Variants in SGK1 observed in about 807,000 individuals in gnomAD.
The protein encoded by SGK1 is serine/threonine-protein kinase Sgk1.
In SGK1, 26 loss-of-function variants were observed where a neutral mutation model predicts 64.2. That is an observed-to-expected ratio of 0.40 (90% confidence interval 0.30 to 0.56). The LOEUF (loss-of-function observed/expected upper bound fraction) is 0.56, where lower values mean the gene tolerates loss of function less well. Ranked by LOEUF, SGK1 falls within the 20% of genes least tolerant of loss-of-function variation. SGK1 has a pLI of 0.38. For missense variants in SGK1, 519 were observed against 645.6 expected (o/e 0.80, Z 2.12); for synonymous variants, 265 against 239.7 (o/e 1.11, Z -0.98).
rs1412999137 is a variant in SGK1 at position 134,253,224 on chromosome 6, C to G, written c.285+8709G>C. 2.0e-5 allele frequency among the ~76,000 whole-genome samples: 3 copies of G among 152,166 alleles called. No homozygotes were observed. The East Asian group carries it at 5.8e-4, about 29-fold the overall frequency. ...CCATCCCAGAATTGTATGAAGCCAGCTTAATTAAAAGTGCTTTCTAGGCTG... is the reference window on the plus strand; with the variant it reads ...CCATCCCAGAATTGTATGAAGCCAGGTTAATTAAAAGTGCTTTCTAGGCTG... On this transcript the variant is annotated intron_variant, in intron 2 of 13. Coordinates refer to ENST00000367858, the MANE Select transcript of SGK1 (RefSeq NM_001143676.3).
intron 1 of SGK1, among the ~76,000 whole-genome samples, chr6:134,282,857 A>C (rs1777115505): frequency 6.6e-6 from 1 of 151,726 alleles, no homozygotes; most frequent in Non-Finnish European, 1.5e-5. Context: ...CATTGAAATA[A>C]ATCTCTTCAT....
intron 1 of SGK1, chr6:134,297,667 T>C: frequency 2.3e-6 from 1 of 431,280 alleles, no homozygotes; most frequent in Admixed American, 3.4e-5. Flanking sequence ...CACCCCAGGC[T>C]AATTTTTGTA....
In SGK1 at chr6:134,179,298, C is replaced by T. The variant is rs141832529; in HGVS notation, c.362-4712G>A. Among the ~76,000 whole-genome samples, 852 of 152,140 alleles carry T rather than the reference C, an allele frequency of 5.6e-3. 6 individuals are homozygous for T. Among genetic ancestry groups the T allele is most frequent in the Non-Finnish European group, 5.7e-3 (391 of 68,008 alleles). On this transcript the variant is annotated intron_variant, in intron 3 of 13. Transcript: ENST00000367858. ...AAAGTACCATCAATTTTAGAACAATCCTATGAAGAGTTTAAGTTCCCATAC... is the reference window on the plus strand; with the variant it reads ...AAAGTACCATCAATTTTAGAACAATTCTATGAAGAGTTTAAGTTCCCATAC...
intron 1 of SGK1, among the ~76,000 whole-genome samples, chr6:134,272,204 GATCTC>G (rs1776949666): frequency 7.1e-6 from 1 of 140,516 alleles, no homozygotes; most frequent in South Asian, 2.4e-4. Context: ...GCAGTAGTAT[GATCTC>G]AGCTCACCGC....
intron 1 of SGK1, among the ~76,000 whole-genome samples, chr6:134,291,113 C>T (rs890376455): frequency 6.6e-6 from 1 of 152,004 alleles, no homozygotes; most frequent in African/African-American, 2.4e-5. Context: ...CTTAATAGGA[C>T]TTGCATATTA....
chr6:134,227,233 C>T (rs1163009885), intron 2 of SGK1, among the ~76,000 whole-genome samples: 1 of 152,144 alleles, frequency 6.6e-6, no homozygotes, highest in East Asian at 1.9e-4. Context: ...CTCCCAGATT[C>T]AAGTGATTCT....
intron 1 of SGK1, among the ~76,000 whole-genome samples, chr6:134,312,093 G>C (rs1205306407): frequency 2.0e-5 from 3 of 152,180 alleles, no homozygotes; most frequent in Non-Finnish European, 2.9e-5. Context: ...CAAATGGAAA[G>C]ACTGCTGCTG....
chr6:134,179,494 CTTTT>C (rs5880206), intron 3 of SGK1, among the ~76,000 whole-genome samples: 1 of 128,304 alleles, frequency 7.8e-6, no homozygotes, highest in Non-Finnish European at 1.7e-5. Context: ...AAAGGCATGT[CTTTT>C]TTTTTTTTTT....
At chr6:134,171,866 TA>T in intron 10 of SGK1, 134 bp from the exon 11 acceptor site, 1 of 662,996 alleles carries the variant, frequency 1.5e-6, no homozygotes. Context: ...TCCTTCCTGA[TA>T]AAACTGCTGG....
chr6:134,257,339 G>A (rs1423662697), intron 2 of SGK1, among the ~76,000 whole-genome samples: 1 of 152,126 alleles, frequency 6.6e-6, no homozygotes, highest in Non-Finnish European at 1.5e-5. Context: ...GGAGGCAGGG[G>A]TTACTGTGAG....
At chr6:134,215,171 G>A (rs4896026) in intron 2 of SGK1, 288,122 of 419,034 alleles carry the variant, frequency 0.69, 104,319 homozygotes, top group South Asian at 0.83. Context: ...TGCCCAGGCT[G>A]GAGTACAGTG....
intron 9 of SGK1, 167 bp downstream of exon 9, chr6:134,172,495 G>T: frequency 1.3e-6 from 1 of 795,392 alleles, no homozygotes; most frequent in Non-Finnish European, 2.0e-6. Context: ...ATCCTACTTG[G>T]CTGGTTCCCC....
rs1775487825 is a variant in SGK1, at chr6:134,190,218, C to CT, written c.362-15633dup. Among the ~76,000 whole-genome samples, 6 of 151,746 alleles carry CT rather than the reference C, an allele frequency of 4.0e-5. No individual in the cohort carries two copies. In the South Asian group the frequency reaches 8.3e-4, roughly 21 times the overall value. On this transcript the variant is annotated intron_variant, in intron 3 of 13. Transcript: ENST00000367858. ...ACTGATGGCCCTTTGACTTTTCCTTCTATAGTGGGAAAACAACAATCAAAG... is the reference window on the plus strand; with the variant it reads ...ACTGATGGCCCTTTGACTTTTCCTTCTTATAGTGGGAAAACAACAATCAAAG...
At chr6:134,249,288 TA>T (rs751163426) in intron 2 of SGK1, among the ~76,000 whole-genome samples, 29 of 152,208 alleles carry the variant, frequency 1.9e-4, no homozygotes, top group Non-Finnish European at 1.0e-4. Flanking sequence ...CTGAAGATGA[TA>T]TATAGAAATT....
chr6:134,314,378 T>C (rs558375169), intron 1 of SGK1, among the ~76,000 whole-genome samples: 1 of 152,268 alleles, frequency 6.6e-6, no homozygotes, highest in African/African-American at 2.4e-5. Context: ...GAAGAGTCTG[T>C]TGTGGAAACT....
rs28420718 is a variant in SGK1 at position 134,300,845 on chromosome 6, G to A, written c.69+16547C>T. 5.1e-3 allele frequency among the ~76,000 whole-genome samples: 768 copies of A among 151,980 alleles called. 2 individuals are homozygous for A. The highest frequency in any genetic ancestry group is 9.0e-3 in the Non-Finnish European group (612 of 67,962). On this transcript the variant is annotated intron_variant, in intron 1 of 13. Transcript: ENST00000367858. ...AGGGGGGTTTCACCATCTTGGCTAG[G>A]CTGGTCTTGAACTCCTGACCTCGGG...
chr6:134,227,488 G>A (rs1470862392), intron 2 of SGK1, among the ~76,000 whole-genome samples: 1 of 152,178 alleles, frequency 6.6e-6, no homozygotes, highest in Non-Finnish European at 1.5e-5. Context: ...ACTAATGCAA[G>A]GTGCCTGACA....
At chr6:134,189,098 G>C (rs574780810) in intron 3 of SGK1, among the ~76,000 whole-genome samples, 1 of 151,758 alleles carries the variant, frequency 6.6e-6, no homozygotes, top group Non-Finnish European at 1.5e-5. Flanking sequence ...TCTCAGTTGT[G>C]ATTATAGAAT....
chr6:134,170,173 G>A lies in SGK1; in HGVS notation c.*95C>T, dbSNP rs1582677448. 4 of 1,072,254 alleles carry A rather than the reference G, an allele frequency of 3.7e-6. No homozygotes were observed. Among genetic ancestry groups the A allele is most frequent in the Non-Finnish European group, 5.4e-6 (4 of 736,486 alleles). The allele number at this position is 1,072,254 out of a possible 1,614,324, so 66.4% of individuals were successfully genotyped here. ...CTTCCAGAGATGTGCAAATTCTCTT[G>A]TAAGATGTCCTGTCAGCTGGCGGCT... On this transcript the variant is annotated 3_prime_UTR_variant, in exon 14 of 14. Coordinates refer to ENST00000367858, the MANE Select transcript of SGK1 (RefSeq NM_001143676.3).
Sources: allele counts gnomAD v4.1 joint callset (sites outside exome capture counted in the v4.1 genomes callset), GRCh38; gene constraint gnomAD v4.1.1; transcripts MANE v1.5; gene names NCBI Gene and HGNC (gene_info 2026-07-23, HGNC 2026-07-21).